AGBL4: variants seen among roughly 807,000 people sequenced by gnomAD.
AGBL4 encodes AGBL carboxypeptidase 4.
Under a neutral mutation model 66.4 loss-of-function variants are expected in AGBL4, and 58 were observed. The observed-to-expected ratio is 0.87, with a 90% confidence interval of 0.71 to 1.09. The LOEUF (loss-of-function observed/expected upper bound fraction) is 1.09, where lower values mean the gene tolerates loss of function less well. Among genes scored for constraint, AGBL4 ranks in the 50% least tolerant of loss-of-function variants. The pLI is 0.00. For synonymous variants in AGBL4, 234 were observed against 222.9 expected, an observed-to-expected ratio of 1.05 and a Z score of -0.44; for missense variants, 579 against 631.0, an observed-to-expected ratio of 0.92 and a Z score of 0.88.
chr1:48,783,495 G>A (rs1645343912), intron 6 of AGBL4, among the ~76,000 whole-genome samples: 1 of 152,048 alleles, frequency 6.6e-6, no homozygotes, highest in Non-Finnish European at 1.5e-5. Context: ...TCATGTAGAT[G>A]ACAGATTGGA....
At chr1:48,787,156 G>T (rs566975991) in intron 6 of AGBL4, among the ~76,000 whole-genome samples, 1 of 152,266 alleles carries the variant, frequency 6.6e-6, no homozygotes, top group East Asian at 1.9e-4. Flanking sequence ...TGACTCTAGA[G>T]CCCCAGCCAT....
At chr1:49,857,740 G>A (rs1036583270) in intron 1 of AGBL4, among the ~76,000 whole-genome samples, 1 of 151,954 alleles carries the variant, frequency 6.6e-6, no homozygotes, top group Non-Finnish European at 1.5e-5. Flanking sequence ...GTGAATTATG[G>A]ACTTAAATAT....
At chr1:48,991,496 T>C (rs1448119198) in intron 5 of AGBL4, among the ~76,000 whole-genome samples, 3 of 152,226 alleles carry the variant, frequency 2.0e-5, no homozygotes, top group Non-Finnish European at 4.4e-5. Context: ...ATAACCTACT[T>C]GTACTTGAAT....
chr1:49,302,406 C>A (rs1644761996), intron 3 of AGBL4, among the ~76,000 whole-genome samples: 1 of 151,644 alleles, frequency 6.6e-6, no homozygotes, highest in Non-Finnish European at 1.5e-5. Flanking sequence ...GCATACACCA[C>A]CACACCCAGC....
chr1:49,628,230 CATT>C (rs1364483401), intron 3 of AGBL4, among the ~76,000 whole-genome samples: 2 of 152,146 alleles, frequency 1.3e-5, no homozygotes, highest in African/African-American at 4.8e-5. Flanking sequence ...GTAAACTCCA[CATT>C]ATATCTTTTC....
intron 8 of AGBL4, among the ~76,000 whole-genome samples, chr1:48,641,086 C>T (rs887703264): frequency 6.6e-5 from 10 of 152,134 alleles, no homozygotes; most frequent in East Asian, 1.9e-4. Flanking sequence ...CAGCAATTGT[C>T]CCCCAAACAC....
At chr1:49,321,182 C>A (rs548873455) in intron 3 of AGBL4, among the ~76,000 whole-genome samples, 1 of 152,304 alleles carries the variant, frequency 6.6e-6, no homozygotes, top group Non-Finnish European at 1.5e-5. Flanking sequence ...CCTACTTGGT[C>A]CTCCCTGCCT....
At chr1:49,185,806 A>G (rs1255911851) in intron 4 of AGBL4, among the ~76,000 whole-genome samples, 1 of 152,020 alleles carries the variant, frequency 6.6e-6, no homozygotes, top group African/African-American at 2.4e-5. Context: ...CCTTGACCCA[A>G]TCCTATTCTT....
chr1:49,762,990 T>C (rs940844628), intron 2 of AGBL4, among the ~76,000 whole-genome samples: 5 of 152,224 alleles, frequency 3.3e-5, no homozygotes, highest in African/African-American at 1.2e-4. Flanking sequence ...CCTGTTTTCT[T>C]CTAGTACTTT....
At chr1:49,408,928 C>T (rs192645571) in intron 3 of AGBL4, among the ~76,000 whole-genome samples, 90 of 152,292 alleles carry the variant, frequency 5.9e-4, no homozygotes, top group Non-Finnish European at 1.2e-3. Flanking sequence ...AGTCCTGTCC[C>T]TCTAGAGAAC....
At chr1:49,260,854 A>G (rs1158832916) in intron 3 of AGBL4, among the ~76,000 whole-genome samples, 2 of 151,810 alleles carry the variant, frequency 1.3e-5, no homozygotes, top group African/African-American at 4.8e-5. Flanking sequence ...AGACACAACC[A>G]AAAAAGAGAA....
chr1:49,547,782 T>G (rs945459391), intron 3 of AGBL4, among the ~76,000 whole-genome samples: 5 of 151,946 alleles, frequency 3.3e-5, no homozygotes, highest in African/African-American at 1.2e-4. Context: ...AGTCTTTTTT[T>G]TTTTTTCTTG....
At chr1:49,827,446 A>G (rs966002674) in intron 2 of AGBL4, among the ~76,000 whole-genome samples, 4 of 152,336 alleles carry the variant, frequency 2.6e-5, no homozygotes, top group African/African-American at 7.2e-5. Flanking sequence ...AAGTTAAAAC[A>G]TAAGTTTGGT....
intron 6 of AGBL4, among the ~76,000 whole-genome samples, chr1:48,712,725 G>A (rs147671770): frequency 2.6e-3 from 399 of 152,294 alleles, no homozygotes; most frequent in Admixed American, 5.8e-3. Flanking sequence ...ACGTTCTGGG[G>A]ATGGCACACA....
chr1:49,652,542 C>T (rs1290626983), intron 3 of AGBL4, among the ~76,000 whole-genome samples: 1 of 152,100 alleles, frequency 6.6e-6, no homozygotes, highest in Non-Finnish European at 1.5e-5. Context: ...CTGGAAACTC[C>T]AGTGAGGCAC....
chr1:49,260,542 A>G lies in AGBL4; in HGVS notation c.283-14678T>C, dbSNP rs576686238. ...ATACTACAAACACCTCTACACAAAT[A>G]AACCAGAAAATCTAGAAGAAATGGA... On this transcript the variant is annotated intron_variant, in intron 3 of 13. Coordinates refer to ENST00000371839, the MANE Select transcript of AGBL4 (RefSeq NM_032785.4). Among the ~76,000 whole-genome samples the G allele has an allele frequency of 1.1e-3, 166 of 152,318 alleles. 1 individual carries two copies. The highest frequency in any genetic ancestry group is 3.6e-3 in the African/African-American group (149 of 41,554).
At chr1:49,800,611 C>T (rs574136455) in intron 2 of AGBL4, among the ~76,000 whole-genome samples, 12 of 111,252 alleles carry the variant, frequency 1.1e-4, no homozygotes, top group South Asian at 3.4e-4. Flanking sequence ...TGAGAATATG[C>T]GGTGTTTGGT....
rs890167867 is a variant in AGBL4 at position 49,955,872 on chromosome 1, A to G, written c.34+67891T>C. Among the ~76,000 whole-genome samples, 52 of 151,878 alleles carry G rather than the reference A, an allele frequency of 3.4e-4. 1 individual carries two copies. ...ATTTTATTACCTTCTGGCTTGATAG[A>G]ATAATATTCCATAATACCCCAGGCA... On this transcript the variant is annotated intron_variant, in intron 1 of 13. Coordinates refer to ENST00000371839, the MANE Select transcript of AGBL4 (RefSeq NM_032785.4).
chr1:49,602,724 T>C (rs1173849730), intron 3 of AGBL4, among the ~76,000 whole-genome samples: 2 of 151,794 alleles, frequency 1.3e-5, no homozygotes, highest in Non-Finnish European at 2.9e-5. Flanking sequence ...GGGAGAGCAT[T>C]AGGAGAAATA....
Sources: gnomAD v4.1 joint callset for allele counts (sites outside exome capture counted in the v4.1 genomes callset) on GRCh38, gnomAD v4.1.1 for gene constraint, MANE v1.5 for transcripts, NCBI Gene and HGNC (gene_info 2026-07-23, HGNC 2026-07-21) for gene names.